LIPA: variants seen among roughly 807,000 people sequenced by gnomAD.
LIPA encodes the protein lipase A, lysosomal acid type.
In LIPA, 26 loss-of-function variants were observed where a neutral mutation model predicts 40.6. The observed-to-expected ratio is 0.64, with a 90% CI of 0.47 to 0.89. The LOEUF is 0.89. LIPA is among the 40% of genes least tolerant of loss of function. LIPA has a pLI of 0.00. For missense variants in LIPA, 455 were observed against 479.6 expected, an observed-to-expected ratio of 0.95 and a Z score of 0.48; for synonymous variants, 188 against 168.4, an observed-to-expected ratio of 1.12 and a Z score of -0.90.
upstream of LIPA, among the ~76,000 whole-genome samples, chr10:89,344,058 C>G (rs532152366): frequency 6.6e-6 from 1 of 152,090 alleles, no homozygotes; most frequent in Non-Finnish European, 1.5e-5. Context: ...CTCTGTGACC[C>G]TAAGATATTC....
intron 1 of LIPA, among the ~76,000 whole-genome samples, chr10:89,292,664 T>A (rs1388014590): frequency 6.6e-6 from 1 of 152,200 alleles, no homozygotes; most frequent in Non-Finnish European, 1.5e-5. Context: ...ACATAATTCC[T>A]TTTTCTTTTT....
rs199570584 is a variant in LIPA, at chr10:89,289,998, G to C, written c.-1-42349C>G. Among the ~76,000 whole-genome samples, 4 of 119,970 alleles carry C rather than the reference G, an allele frequency of 3.3e-5. 1 individual carries two copies. Among genetic ancestry groups the C allele is most frequent in the Non-Finnish European group, 6.8e-5 (4 of 58,616 alleles). 78.7% of individuals were successfully genotyped at this position (119,970 alleles called of 152,430 possible). A position where few individuals can be genotyped will look rare whatever the true frequency, so the allele number is the denominator to read the frequency against. On this transcript the variant is annotated intron_variant, in intron 1 of 5. Coordinates refer to the LIPA transcript ENST00000282673. ...TGACTTACTCACTGCTAAAAAAAAA[G>C]GGTGGGGGGGACTCTGTATATTTTC...
intron 3 of LIPA, among the ~76,000 whole-genome samples, chr10:89,238,585 C>T (rs1299326440): frequency 6.6e-6 from 1 of 152,200 alleles, no homozygotes; most frequent in African/African-American, 2.4e-5. Flanking sequence ...CCCTCTTCCA[C>T]CTCTGCTACT....
At chr10:89,232,217 GCT>G (rs1320617607) in intron 3 of LIPA, among the ~76,000 whole-genome samples, 1 of 152,194 alleles carries the variant, frequency 6.6e-6, no homozygotes, top group Non-Finnish European at 1.5e-5. Flanking sequence ...CGATGCAGTG[GCT>G]CTGCTGTACT....
chr10:89,333,134 G>T (rs56182046), intron 1 of LIPA, among the ~76,000 whole-genome samples: 1 of 152,092 alleles, frequency 6.6e-6, no homozygotes, highest in Non-Finnish European at 1.5e-5. Flanking sequence ...TTTCATAATT[G>T]GGGGATATGT....
chr10:89,363,184 GCTGCAGGAAA>G (rs1844033589), intron 2 of LIPA: 1 of 215,658 alleles, frequency 4.6e-6, no homozygotes, highest in South Asian at 9.6e-5. Context: ...ATAGGGCTTT[GCTGCAGGAAA>G]CAGACAAAAA....
At chr10:89,332,470 T>A in intron 1 of LIPA, 1 of 1,512,728 alleles carries the variant, frequency 6.6e-7, no homozygotes, top group South Asian at 1.3e-5. Context: ...TTGATAGGGT[T>A]CCATCAGTTT....
intron 2 of LIPA, chr10:89,383,844 C>T (rs1303864227): frequency 2.5e-6 from 4 of 1,614,202 alleles, no homozygotes; most frequent in South Asian, 1.1e-5. Flanking sequence ...ACCCTGAATT[C>T]AATACTGGGT....
intron 1 of LIPA, among the ~76,000 whole-genome samples, chr10:89,302,389 G>A (rs758748794): frequency 1.3e-5 from 2 of 152,158 alleles, no homozygotes; most frequent in African/African-American, 4.8e-5. Flanking sequence ...TGCAATCAGA[G>A]AAAGAAGGCA....
Position 89,225,239 on chromosome 10 carries a change from A to G in LIPA, c.539-11T>C, listed in dbSNP as rs1842753583. The G allele has an allele frequency of 4.3e-6, 7 of 1,614,140 alleles. No homozygotes were observed. The highest frequency in any genetic ancestry group is 5.9e-6 in the Non-Finnish European group (7 of 1,179,968). ...AAAATGCTATAAAACCTGTGAGAACAAAGGACAGAAAACAGGAATTCCATC... is the reference window on the plus strand; with the variant it reads ...AAAATGCTATAAAACCTGTGAGAACGAAGGACAGAAAACAGGAATTCCATC... On this transcript the variant is annotated splice_polypyrimidine_tract_variant and intron_variant, in intron 5 of 9. Transcript: ENST00000336233.
chr10:89,255,286 G>C (rs888361527), upstream of LIPA, among the ~76,000 whole-genome samples: 1 of 152,188 alleles, frequency 6.6e-6, no homozygotes, highest in Non-Finnish European at 1.5e-5. Flanking sequence ...AAGGCAAAAG[G>C]CACGTCTTAC....
intron 1 of LIPA, chr10:89,328,184 T>A: frequency 3.6e-6 from 4 of 1,113,720 alleles, no homozygotes; most frequent in Non-Finnish European, 4.1e-6. Flanking sequence ...TGTTTATAGA[T>A]TCAATATGTC....
At chr10:89,366,971 T>C (rs1844060890) in intron 2 of LIPA, among the ~76,000 whole-genome samples, 1 of 152,152 alleles carries the variant, frequency 6.6e-6, no homozygotes, top group South Asian at 2.1e-4. Context: ...GTGGCACATA[T>C]ACACCATGGA....
chr10:89,304,546 C>G (rs149735905), intron 1 of LIPA, among the ~76,000 whole-genome samples: 2 of 152,082 alleles, frequency 1.3e-5, no homozygotes, highest in East Asian at 3.9e-4. Flanking sequence ...GTATAAGAAG[C>G]CATACTATTT....
At chr10:89,231,637 C>T (rs1842843746) in intron 3 of LIPA, among the ~76,000 whole-genome samples, 1 of 152,152 alleles carries the variant, frequency 6.6e-6, no homozygotes, top group Admixed American at 6.5e-5. Flanking sequence ...CAACATCCAG[C>T]CAATTTTTTA....
intron 2 of LIPA, among the ~76,000 whole-genome samples, chr10:89,391,716 GA>G (rs1223477302): frequency 5.3e-5 from 8 of 152,000 alleles, no homozygotes; most frequent in African/African-American, 1.7e-4. Context: ...TTTTAGTAGA[GA>G]GGGGGTTTCA....
chr10:89,374,854 C>G (rs1231718187), intron 2 of LIPA, among the ~76,000 whole-genome samples: 2 of 152,176 alleles, frequency 1.3e-5, no homozygotes, highest in African/African-American at 2.4e-5. Flanking sequence ...CCAAGAGGTA[C>G]TGCTGGGCTC....
chr10:89,332,671 G>C, intron 1 of LIPA: 1 of 1,580,480 alleles, frequency 6.3e-7, no homozygotes, highest in Non-Finnish European at 8.7e-7. Context: ...AATTTCTTAT[G>C]TACAACTTCC....
At chr10:89,387,317 CAAAAAA>C (rs565296927) in intron 2 of LIPA, among the ~76,000 whole-genome samples, 6 of 83,652 alleles carry the variant, frequency 7.2e-5, no homozygotes, top group Non-Finnish European at 9.6e-5. Context: ...GACTCCGTCT[CAAAAAA>C]AAAAAAAAAA....
Sources: gnomAD v4.1 joint callset for allele counts (sites outside exome capture counted in the v4.1 genomes callset) on GRCh38, gnomAD v4.1.1 for gene constraint, MANE v1.5 for transcripts, NCBI Gene and HGNC (gene_info 2026-07-23, HGNC 2026-07-21) for gene names.